The following RPGR variants were observed in gnomAD, a reference collection of about 807,000 sequenced individuals.
RPGR encodes the protein X-linked retinitis pigmentosa GTPase regulator.
Under a neutral mutation model 56.3 loss-of-function variants are expected in RPGR, and 10 were observed. The observed-to-expected ratio is 0.18, with a 90% confidence interval of 0.11 to 0.30. The LOEUF (loss-of-function observed/expected upper bound fraction) is 0.30, where lower values mean the gene tolerates loss of function less well. Among genes scored for constraint, RPGR ranks in the 10% least tolerant of loss-of-function variants. RPGR has a pLI of 1.00. For synonymous variants in RPGR, 197 were observed against 212.9 expected (o/e 0.93, Z 0.65); for missense variants, 538 against 590.9 (o/e 0.91, Z 0.93).
chrX:38,277,854 C>A (rs973452883), intron 15 of RPGR, among the ~76,000 whole-genome samples: 58 of 111,659 alleles, frequency 5.2e-4, no homozygotes, highest in African/African-American at 1.9e-3. Flanking sequence ...TTTAACTCAC[C>A]TTTCTTCTGG....
rs931906779 is a variant in RPGR, at chrX:38,310,837, G to T, written c.620-64C>A. On this transcript the variant is annotated intron_variant, in intron 6 of 18. Coordinates refer to ENST00000642395, the MANE Select transcript of RPGR (RefSeq NM_000328.3). ...ATATGAACAAAAAGCTGGTCTTACC[G>T]TCAAAAAAAAGTTTTGACAAGGATC... The T allele has an allele frequency of 1.4e-5, 15 of 1,097,692 alleles. No individual in the cohort carries two copies. The East Asian group carries it at 3.6e-4, about 27-fold the overall frequency. The allele number at this position is 1,097,692 out of a possible 1,213,427, so 90.5% of individuals were successfully genotyped here.
In RPGR at chrX:38,327,499, A is replaced by G. The variant is rs1043686498; in HGVS notation, c.-132T>C. 9.8e-6 allele frequency: 6 copies of G among 611,567 alleles called. No individual in the cohort carries two copies. The highest frequency in any genetic ancestry group is 1.4e-5 in the Non-Finnish European group (6 of 416,286). 50.4% of individuals were successfully genotyped at this position (611,567 alleles called of 1,213,427 possible). ...CAAGTTCCGCATGGCGAAACTCCGG[A>G]GATCAACTACAACCGCGCTCCCGGA... On this transcript the variant is annotated 5_prime_UTR_variant, in exon 1 of 19. Transcript: ENST00000642395.
At chrX:38,305,581 A>C (rs146119039) in intron 7 of RPGR, among the ~76,000 whole-genome samples, 13,061 of 107,700 alleles carry the variant, frequency 0.12, 928 homozygotes, top group East Asian at 0.57. Flanking sequence ...CCCTGTCTCT[A>C]CTAAAAATAC....
chrX:38,312,482 T>TA lies in RPGR; in HGVS notation c.620-1710dup, dbSNP rs770998259. ...AGGCTCTAATTATGACACTTCCAAA[T>TA]AAAAAAAAAATACATGTATCAAGTA... On this transcript the variant is annotated intron_variant, in intron 6 of 18. Transcript: ENST00000642395. Among the ~76,000 whole-genome samples, 532 of 107,135 alleles carry TA rather than the reference T, an allele frequency of 5.0e-3. 2 individuals are homozygous for TA. Among genetic ancestry groups the TA allele is most frequent in the African/African-American group, 0.017 (489 of 29,550 alleles). 93.0% of individuals were successfully genotyped at this position (107,135 alleles called of 115,157 possible).
intron 6 of RPGR, among the ~76,000 whole-genome samples, chrX:38,313,567 T>C (rs902568967): frequency 1.1e-4 from 12 of 112,230 alleles, no homozygotes; most frequent in African/African-American, 2.9e-4. Context: ...CCTCTTCCTC[T>C]TGTATATGGA....
At chrX:38,298,269 C>CAAAA in intron 10 of RPGR, 1 of 194,794 alleles carries the variant, frequency 5.1e-6, no homozygotes. Context: ...GACTCTGTCT[C>CAAAA]AAAAAAAAAA....
rs774037637 is a variant in RPGR, at chrX:38,323,540, G to A, written c.29-16C>T. On this transcript the variant is annotated splice_polypyrimidine_tract_variant and intron_variant, in intron 1 of 18. Transcript: ENST00000642395. ...GCACCCGAATCTGCAAATATAAGAC[G>A]GTCTTTATTTTATAACTTTTACTAT... 7 of 1,204,432 alleles carry A rather than the reference G, an allele frequency of 5.8e-6. No homozygotes were observed. Among genetic ancestry groups the A allele is most frequent in the African/African-American group, 5.2e-5 (3 of 57,419 alleles).
chrX:38,311,652 C>T (rs2067721045), intron 6 of RPGR, among the ~76,000 whole-genome samples: 1 of 111,448 alleles, frequency 9.0e-6, no homozygotes, highest in Non-Finnish European at 1.9e-5. Context: ...GTTATATATA[C>T]CAGAGCAATG....
chrX:38,321,295 T>A (rs1375535753), intron 3 of RPGR, among the ~76,000 whole-genome samples: 1 of 111,226 alleles, frequency 9.0e-6, no homozygotes, highest in Admixed American at 9.6e-5. Context: ...AATATAGATA[T>A]CTTAGCCCCA....
At chrX:38,300,458 C>T (rs1424308504) in intron 9 of RPGR, among the ~76,000 whole-genome samples, 2 of 111,764 alleles carry the variant, frequency 1.8e-5, no homozygotes, top group Middle Eastern at 4.2e-3. Flanking sequence ...AGGTATGATG[C>T]GTGATGGTGA....
chrX:38,288,750 A>G (rs2067236590), intron 13 of RPGR, among the ~76,000 whole-genome samples: 1 of 111,773 alleles, frequency 8.9e-6, no homozygotes, highest in African/African-American at 3.2e-5. Flanking sequence ...ACAGCTTAGT[A>G]TATTTTTCCC....
At position 38,273,311 on chromosome X, in the gene RPGR, T is replaced by A. The variant is rs769219802; in HGVS notation, c.2241+75A>T. On this transcript the variant is annotated intron_variant, in intron 18 of 18. Transcript: ENST00000642395. ...AACTCATATTAAGAGAGTTAAATTA[T>A]GTGGATTGCCATATGAAAAGTAAAA... 1.1e-5 allele frequency: 9 copies of A among 814,377 alleles called. No homozygotes were observed. In the East Asian group the frequency reaches 3.0e-4, roughly 27 times the overall value. 67.1% of individuals were successfully genotyped at this position (814,377 alleles called of 1,213,427 possible).
At chrX:38,308,904 A>T (rs979174807) in intron 7 of RPGR, among the ~76,000 whole-genome samples, 1 of 111,697 alleles carries the variant, frequency 9.0e-6, no homozygotes, top group African/African-American at 3.2e-5. Flanking sequence ...AAACATAAAG[A>T]TAAAATATTA....
At chrX:38,295,322 C>T (rs1268628547) in intron 11 of RPGR, among the ~76,000 whole-genome samples, 2 of 111,850 alleles carry the variant, frequency 1.8e-5, no homozygotes, top group Admixed American at 1.9e-4. Context: ...CCACTTTCCT[C>T]CATTATAAAG....
At chrX:38,309,877 C>T (rs1435126891) in intron 7 of RPGR, among the ~76,000 whole-genome samples, 4 of 111,638 alleles carry the variant, frequency 3.6e-5, no homozygotes, top group Non-Finnish European at 5.7e-5. Flanking sequence ...TTAGCAGAAA[C>T]AATTCAACAA....
chrX:38,283,893 C>T (rs1260989652), intron 15 of RPGR, among the ~76,000 whole-genome samples: 3 of 111,207 alleles, frequency 2.7e-5, no homozygotes, highest in East Asian at 2.8e-4. Context: ...TAATCATGTT[C>T]GGCACATATA....
intron 3 of RPGR, among the ~76,000 whole-genome samples, chrX:38,321,937 T>C (rs190810066): frequency 8.9e-6 from 1 of 111,909 alleles, no homozygotes; most frequent in Admixed American, 9.5e-5. Flanking sequence ...ATGACTAAGA[T>C]AGAATCCCTG....
At chrX:38,298,735 ATAATT>A (rs1309315010) in intron 10 of RPGR, among the ~76,000 whole-genome samples, 8 of 112,100 alleles carry the variant, frequency 7.1e-5, no homozygotes, top group African/African-American at 2.6e-4. Context: ...AAAGTTTTCT[ATAATT>A]TAAATTTTCT....
At chrX:38,287,585 C>G in intron 14 of RPGR, 1 of 507,550 alleles carries the variant, frequency 2.0e-6, no homozygotes, top group Non-Finnish European at 3.5e-6. Context: ...ATACCTCTAT[C>G]TGGTAAGTTG....
Sources: allele counts gnomAD v4.1 joint callset (sites outside exome capture counted in the v4.1 genomes callset), GRCh38; gene constraint gnomAD v4.1.1; transcripts MANE v1.5; gene names NCBI Gene and HGNC (gene_info 2026-07-23, HGNC 2026-07-21).